The following DOCK10 variants were observed in gnomAD, a reference collection of about 807,000 sequenced individuals.
DOCK10 encodes the protein dedicator of cytokinesis 10.
DOCK10 carries 145 observed loss-of-function variants against 280.1 expected under a neutral mutation model. The observed-to-expected ratio is 0.52, with a 90% CI of 0.45 to 0.59. The LOEUF (loss-of-function observed/expected upper bound fraction) is 0.59, where lower values mean the gene tolerates loss of function less well. Among genes scored for constraint, DOCK10 ranks in the 20% least tolerant of loss-of-function variants. The pLI is 0.00. For synonymous variants in DOCK10, 915 were observed against 942.2 expected (o/e 0.97, Z 0.53); for missense variants, 2,368 against 2,651.7 (o/e 0.89, Z 2.35).
chr2:224,848,837 C>G (rs1311558816), intron 19 of DOCK10, among the ~76,000 whole-genome samples: 2 of 152,114 alleles, frequency 1.3e-5, no homozygotes, highest in Admixed American at 6.5e-5. Context: ...ACATGAAATG[C>G]TGCCATTCAT....
chr2:224,850,153 C>T (rs1364337542), intron 18 of DOCK10, among the ~76,000 whole-genome samples: 3 of 152,158 alleles, frequency 2.0e-5, no homozygotes, highest in Non-Finnish European at 4.4e-5. Flanking sequence ...TATAAAGAAA[C>T]CCATAAAGGT....
In DOCK10 at chr2:224,852,438, C is replaced by T. The variant is rs756917647; in HGVS notation, c.2081G>A (p.Arg694Gln). ...YDSQKCFNKA[R>Q]NITVCIEFKN... Reference sequence around the variant, plus strand: ...GAATTCAATGCACACAGTTATATTCCGTGCCTGAAATTACGGAGAGAAAAA... The same window carrying T: ...GAATTCAATGCACACAGTTATATTCTGTGCCTGAAATTACGGAGAGAAAAA... Residue 694 changes from arginine to glutamine, a missense_variant, in exon 18 of 56, where the codon CGG becomes CAG. By Grantham distance (43) the Arg-to-Gln change is conservative (BLOSUM62 1). Coordinates refer to ENST00000258390, the MANE Select transcript of DOCK10 (RefSeq NM_014689.3). 9.0e-6 allele frequency: 14 copies of T among 1,560,266 alleles called. No individual in the cohort carries two copies. Among genetic ancestry groups the T allele is most frequent in the Middle Eastern group, 1.7e-4 (1 of 5,998 alleles).
At chr2:224,791,379 T>C (rs969000729) in intron 47 of DOCK10, among the ~76,000 whole-genome samples, 1 of 151,836 alleles carries the variant, frequency 6.6e-6, no homozygotes, top group African/African-American at 2.4e-5. Context: ...ATGGGTGCCA[T>C]AGGGTGCCAC....
In DOCK10 at chr2:224,872,498, G is replaced by T. The variant is rs1179126657; in HGVS notation, c.1257+1498C>A. Among the ~76,000 whole-genome samples, 4 of 152,004 alleles carry T rather than the reference G, an allele frequency of 2.6e-5. No individual in the cohort carries two copies. In the East Asian group the frequency reaches 5.8e-4, roughly 22 times the overall value. On this transcript the variant is annotated intron_variant, in intron 11 of 55. Transcript: ENST00000258390. The stretch of plus-strand genomic sequence containing the variant: ...TTTGAGTCTCCTCATTAAATCAGAG[G>T]TCCACAGCATGGACCTTATCCTGCT...
intron 1 of DOCK10, among the ~76,000 whole-genome samples, chr2:224,963,008 T>C (rs931704961): frequency 6.6e-6 from 1 of 150,960 alleles, no homozygotes; most frequent in African/African-American, 2.4e-5. Flanking sequence ...TGGTTACTAG[T>C]TTTTTTTGAA....
In DOCK10 at chr2:224,912,747, C is replaced by T. The variant is rs1027153202; in HGVS notation, c.333+3948G>A. Among the ~76,000 whole-genome samples the T allele has an allele frequency of 1.1e-4, 17 of 152,088 alleles. No homozygotes were observed. In the East Asian group the frequency reaches 1.4e-3, roughly 12 times the overall value. On this transcript the variant is annotated intron_variant, in intron 3 of 55. Coordinates refer to ENST00000258390, the MANE Select transcript of DOCK10 (RefSeq NM_014689.3). The stretch of plus-strand genomic sequence containing the variant: ...TAACAATATATTATGGGCATCAGGC[C>T]GGGCATGGTGGCTCACGCCTGTAAT...
intron 1 of DOCK10, among the ~76,000 whole-genome samples, chr2:224,961,407 TC>T (rs1704385284): frequency 9.2e-6 from 1 of 108,314 alleles, no homozygotes; most frequent in Non-Finnish European, 1.9e-5. Flanking sequence ...TTTCTTTCTT[TC>T]TTTCTCTTTC....
chr2:224,936,281 C>A (rs1195766907), intron 1 of DOCK10, among the ~76,000 whole-genome samples: 1 of 152,098 alleles, frequency 6.6e-6, no homozygotes, highest in Non-Finnish European at 1.5e-5. Context: ...ATTGGCTTTT[C>A]TTTTTGGAAA....
intron 55 of DOCK10, among the ~76,000 whole-genome samples, chr2:224,766,252 C>A (rs16866162): frequency 6.6e-6 from 1 of 152,158 alleles, no homozygotes; most frequent in Non-Finnish European, 1.5e-5. Flanking sequence ...TGATTTTAAT[C>A]TTGAAAATAA....
rs373905142 is a variant in DOCK10 at position 224,812,862 on chromosome 2, T to C, written c.3409+1458A>G. On this transcript the variant is annotated intron_variant, in intron 31 of 55. Transcript: ENST00000258390. ...CCACTTGATCATGGTGGATAAGCTT[T>C]TTGATGTGCTGCTGGATTCGGTTTG... Among the ~76,000 whole-genome samples, 240 of 152,296 alleles carry C rather than the reference T, an allele frequency of 1.6e-3. 3 individuals carry two copies. The East Asian group carries it at 0.026, about 16-fold the overall frequency.
chr2:224,961,932 T>C (rs1002717676), intron 1 of DOCK10, among the ~76,000 whole-genome samples: 5 of 152,204 alleles, frequency 3.3e-5, no homozygotes, highest in African/African-American at 1.2e-4. Flanking sequence ...CATAAGAAGA[T>C]GTCAGTGACA....
At chr2:224,866,257 TAAAGAGTACAGGACATA>T (rs1432872477) in intron 11 of DOCK10, among the ~76,000 whole-genome samples, 1 of 152,220 alleles carries the variant, frequency 6.6e-6, no homozygotes, top group Non-Finnish European at 1.5e-5. Context: ...TTTGGCCTTT[TAAAGAGTACAGGACATA>T]TATTCTGACA....
intron 1 of DOCK10, among the ~76,000 whole-genome samples, chr2:224,997,221 T>C (rs866045584): frequency 5.2e-4 from 64 of 122,312 alleles, no homozygotes; most frequent in Middle Eastern, 8.2e-3. Flanking sequence ...CTCCCTCCCT[T>C]CCTTCCTTCC....
chr2:224,830,319 C>T (rs1695143078), intron 27 of DOCK10, among the ~76,000 whole-genome samples: 2 of 152,170 alleles, frequency 1.3e-5, no homozygotes, highest in African/African-American at 4.8e-5. Context: ...TTATTTCCCT[C>T]CAATACATCT....
rs749066449 is a variant in DOCK10 at position 224,841,776 on chromosome 2, C to G, written c.2661+28G>C. ...TTTTGCACATTTTTACCCTGGAGAT[C>G]ACTGAAACTGCTTGCATGTCATGTT... On this transcript the variant is annotated intron_variant, in intron 23 of 55. Transcript: ENST00000258390. 4.7e-6 allele frequency: 7 copies of G among 1,482,560 alleles called. No homozygotes were observed. The South Asian group carries it at 7.9e-5, about 17-fold the overall frequency. 91.8% of individuals were successfully genotyped at this position (1,482,560 alleles called of 1,614,324 possible). A position where few individuals can be genotyped will look rare whatever the true frequency, so the allele number is the denominator to read the frequency against.
intron 1 of DOCK10, among the ~76,000 whole-genome samples, chr2:225,040,755 C>A (rs990141296): frequency 2.0e-5 from 3 of 152,160 alleles, no homozygotes; most frequent in Admixed American, 6.5e-5. Context: ...CAGAAAATGA[C>A]AAAACCACAA....
chr2:225,016,631 ACATATATC>A lies in DOCK10; in HGVS notation c.123+25613_123+25620del, dbSNP rs1559962976. ...TACATATATCTATGTGCACATAGAT[ACATATATC>A]TATGTGCACATAGATACATAGATAC... On this transcript the variant is annotated intron_variant, in intron 1 of 55. Coordinates refer to ENST00000258390, the MANE Select transcript of DOCK10 (RefSeq NM_014689.3). Among the ~76,000 whole-genome samples the A allele has an allele frequency of 1.9e-3, 63 of 33,188 alleles. 1 individual carries two copies. The highest frequency in any genetic ancestry group is 2.5e-3 in the African/African-American group (25 of 10,030). The allele number at this position is 33,188 out of a possible 152,430, so 21.8% of individuals were successfully genotyped here. A position where few individuals can be genotyped will look rare whatever the true frequency, so the allele number is the denominator to read the frequency against.
chr2:225,002,240 G>GC (rs1170136905), intron 1 of DOCK10, among the ~76,000 whole-genome samples: 1 of 152,134 alleles, frequency 6.6e-6, no homozygotes, highest in Non-Finnish European at 1.5e-5. Context: ...TATTAGCACT[G>GC]CCCCCTGCTG....
chr2:224,849,611 G>A lies in DOCK10; in HGVS notation c.2143-12C>T. Reference sequence around the variant, plus strand: ...TTTCCATAAATACACTGTTTGAAAAGTTATGAGTTGAACAATTATGAGTGT... The same window carrying A: ...TTTCCATAAATACACTGTTTGAAAAATTATGAGTTGAACAATTATGAGTGT... On this transcript the variant is annotated splice_polypyrimidine_tract_variant and intron_variant, in intron 18 of 55. Transcript: ENST00000258390. The A allele has an allele frequency of 6.4e-7, 1 of 1,562,828 alleles. No homozygotes were observed. The highest frequency in any genetic ancestry group is 8.7e-7 in the Non-Finnish European group (1 of 1,143,734).
Sources: allele counts gnomAD v4.1 joint callset (sites outside exome capture counted in the v4.1 genomes callset), GRCh38; gene constraint gnomAD v4.1.1; transcripts MANE v1.5; gene names NCBI Gene and HGNC (gene_info 2026-07-23, HGNC 2026-07-21).